The following CSNK1G3 variants were observed in gnomAD, a reference collection of about 807,000 sequenced individuals.
CSNK1G3 encodes casein kinase 1 gamma 3.
Under a neutral mutation model 64.3 loss-of-function variants are expected in CSNK1G3, and 23 were observed. That is an observed-to-expected ratio of 0.36 (90% CI 0.26 to 0.51). CSNK1G3 has a LOEUF of 0.51. CSNK1G3 is among the 20% of genes least tolerant of loss of function. The probability of loss-of-function intolerance (pLI) is 0.96; values close to 1 mark genes in which losing one functional copy is unlikely to be tolerated. For missense variants in CSNK1G3, 357 were observed against 510.5 expected (o/e 0.70, Z 2.90); for synonymous variants, 158 against 162.2 (o/e 0.97, Z 0.20).
At chr5:123,574,589 G>A (rs1231765939) in intron 5 of CSNK1G3, among the ~76,000 whole-genome samples, 2 of 152,034 alleles carry the variant, frequency 1.3e-5, no homozygotes, top group Non-Finnish European at 2.9e-5. Flanking sequence ...GGGAGTCTGA[G>A]GCTAGAGGAT....
chr5:123,586,265 G>A (rs966173578), intron 6 of CSNK1G3, among the ~76,000 whole-genome samples: 2 of 152,186 alleles, frequency 1.3e-5, no homozygotes, highest in Non-Finnish European at 2.9e-5. Flanking sequence ...GTATTGTGGG[G>A]GTTGGGGGAG....
intron 6 of CSNK1G3, among the ~76,000 whole-genome samples, chr5:123,585,342 G>A (rs905562191): frequency 1.3e-4 from 20 of 151,922 alleles, no homozygotes; most frequent in Non-Finnish European, 2.6e-4. Context: ...AGGTTTAAAT[G>A]TAGGAACCAT....
chr5:123,554,757 T>C (rs1784322203), intron 3 of CSNK1G3, among the ~76,000 whole-genome samples: 1 of 152,234 alleles, frequency 6.6e-6, no homozygotes, highest in Non-Finnish European at 1.5e-5. Context: ...TGGCAGTGTT[T>C]ACAGTCTGTG....
chr5:123,558,938 G>T (rs1354328849), intron 4 of CSNK1G3, among the ~76,000 whole-genome samples: 1 of 152,140 alleles, frequency 6.6e-6, no homozygotes, highest in African/African-American at 2.4e-5. Context: ...AACATGTCAA[G>T]TCTCTATGAT....
chr5:123,545,151 A>G (rs1390701277), intron 1 of CSNK1G3, among the ~76,000 whole-genome samples: 1 of 152,056 alleles, frequency 6.6e-6, no homozygotes, highest in African/African-American at 2.4e-5. Flanking sequence ...ATATTAGTGA[A>G]TGTATGTTGA....
At chr5:123,590,322 A>G (rs1238770675) in intron 8 of CSNK1G3, 88 bp from the exon 9 acceptor site, 9 of 556,644 alleles carry the variant, frequency 1.6e-5, no homozygotes, top group African/African-American at 5.9e-5. Context: ...AAGTGTTTTT[A>G]TATAATACAA....
chr5:123,593,195 G>GTGTA (rs747316802), intron 10 of CSNK1G3, among the ~76,000 whole-genome samples: 8 of 103,664 alleles, frequency 7.7e-5, no homozygotes, highest in African/African-American at 3.3e-4. Context: ...GGGTGTGTGT[G>GTGTA]TATATATACA....
At chr5:123,533,467 C>T (rs1780281401) in intron 1 of CSNK1G3, among the ~76,000 whole-genome samples, 1 of 151,726 alleles carries the variant, frequency 6.6e-6, no homozygotes, top group South Asian at 2.1e-4. Flanking sequence ...TCTGAGGTCC[C>T]TTTTGGCCCC....
intron 1 of CSNK1G3, among the ~76,000 whole-genome samples, chr5:123,543,619 A>C (rs1476068094): frequency 6.6e-6 from 1 of 151,876 alleles, no homozygotes; most frequent in East Asian, 1.9e-4. Flanking sequence ...CCTGAGCCTC[A>C]CCTCTTTGTG....
intron 6 of CSNK1G3, among the ~76,000 whole-genome samples, chr5:123,584,685 A>G (rs1790987018): frequency 6.6e-6 from 1 of 152,180 alleles, no homozygotes; most frequent in African/African-American, 2.4e-5. Context: ...TTAACTGTTT[A>G]ATAGGATTCA....
chr5:123,595,888 G>A (rs1359212520), intron 10 of CSNK1G3, among the ~76,000 whole-genome samples: 1 of 151,912 alleles, frequency 6.6e-6, no homozygotes, highest in Admixed American at 6.6e-5. Flanking sequence ...TAAAATATCG[G>A]TTTAAGGTAA....
Position 123,562,742 on chromosome 5 carries a change from AATT to A in CSNK1G3, c.289+5182_289+5184del, listed in dbSNP as rs1335747085. ...TGGACAACTAGAGATCAAAGGAAAAAATTATTGGTGAGAATTTTTTAATTAATG... is the reference window on the plus strand; with the variant it reads ...TGGACAACTAGAGATCAAAGGAAAAAATTGGTGAGAATTTTTTAATTAATG... On this transcript the variant is annotated intron_variant, in intron 4 of 12. Coordinates refer to ENST00000345990, the Ensembl canonical transcript of CSNK1G3. Among the ~76,000 whole-genome samples, 6 of 152,062 alleles carry A rather than the reference AATT, an allele frequency of 3.9e-5. No homozygotes were observed. In the East Asian group the frequency reaches 1.2e-3, roughly 29 times the overall value.
At chr5:123,606,456 T>C (rs1357507740) in intron 12 of CSNK1G3, among the ~76,000 whole-genome samples, 1 of 152,150 alleles carries the variant, frequency 6.6e-6, no homozygotes, top group Non-Finnish European at 1.5e-5. Flanking sequence ...GGTTATAGAA[T>C]CCTGTTTCTG....
intron 12 of CSNK1G3, among the ~76,000 whole-genome samples, chr5:123,611,050 A>G (rs114436215): frequency 0.016 from 2,362 of 152,332 alleles, 58 homozygotes; most frequent in African/African-American, 0.054. Context: ...AGTGTGCTCA[A>G]GTGGCTACAT....
At chr5:123,573,728 T>C (rs188442773) in intron 5 of CSNK1G3, among the ~76,000 whole-genome samples, 187 bp downstream of exon 5, 45 of 152,354 alleles carry the variant, frequency 3.0e-4, no homozygotes, top group Admixed American at 2.0e-4. Flanking sequence ...AAGTATATTT[T>C]ATTTGTATAA....
At chr5:123,522,010 C>T (rs13184295) in intron 1 of CSNK1G3, among the ~76,000 whole-genome samples, 1 of 152,150 alleles carries the variant, frequency 6.6e-6, no homozygotes, top group African/African-American at 2.4e-5. Context: ...TAACTAATTT[C>T]TCCTTCTTTT....
chr5:123,516,322 T>C (rs530279124), intron 1 of CSNK1G3, among the ~76,000 whole-genome samples: 5 of 152,258 alleles, frequency 3.3e-5, no homozygotes, highest in African/African-American at 1.2e-4. Context: ...GCTTTAATAA[T>C]GTGAAATGAT....
At chr5:123,614,317 A>T in intron 12 of CSNK1G3, 25 bp from the exon 14 acceptor site, 2 of 1,602,536 alleles carry the variant, frequency 1.2e-6, no homozygotes, top group Non-Finnish European at 1.7e-6. Flanking sequence ...TTTTAAAATA[A>T]AAAGAGTGTT....
intron 4 of CSNK1G3, among the ~76,000 whole-genome samples, chr5:123,565,911 C>T (rs940456294): frequency 6.6e-6 from 1 of 152,164 alleles, no homozygotes; most frequent in Admixed American, 6.5e-5. Flanking sequence ...TAACTCCCAT[C>T]AGGCCCCACC....
Sources: allele counts gnomAD v4.1 joint callset (sites outside exome capture counted in the v4.1 genomes callset), GRCh38; gene constraint gnomAD v4.1.1; transcripts MANE v1.5; gene names NCBI Gene and HGNC (gene_info 2026-07-23, HGNC 2026-07-21).